ROBO2: variants seen among roughly 807,000 people sequenced by gnomAD.
ROBO2 encodes roundabout homolog 2.
In ROBO2, 53 loss-of-function variants were observed where a neutral mutation model predicts 160.8. The ratio of observed to expected loss-of-function variants is 0.33; its 90% CI spans 0.26 to 0.41. The LOEUF (loss-of-function observed/expected upper bound fraction) is 0.41. Among genes scored for constraint, ROBO2 ranks in the 10% least tolerant of loss-of-function variants. The pLI is 1.00. For synonymous variants in ROBO2, 664 were observed against 611.7 expected (o/e 1.09, Z -1.26); for missense variants, 1,577 against 1,722.4 (o/e 0.92, Z 1.49).
At chr3:77,122,467 C>T (rs11127580) in intron 2 of ROBO2, among the ~76,000 whole-genome samples, 17,771 of 152,122 alleles carry the variant, frequency 0.12, 1,769 homozygotes, top group African/African-American at 0.27. Context: ...ATAATTTAGC[C>T]GTCGCTGCCC....
chr3:77,274,616 A>G (rs1372633625), intron 2 of ROBO2, among the ~76,000 whole-genome samples: 1 of 152,152 alleles, frequency 6.6e-6, no homozygotes, highest in East Asian at 1.9e-4. Context: ...GCCAAAGATA[A>G]TCATAGAGTA....
intron 2 of ROBO2, among the ~76,000 whole-genome samples, chr3:76,896,026 C>T (rs983138357): frequency 1.7e-4 from 26 of 152,142 alleles, no homozygotes; most frequent in East Asian, 5.8e-4. Context: ...GACCCCACCC[C>T]GGGAGCTCAG....
At chr3:76,206,845 A>G (rs1702838546) in intron 2 of ROBO2, among the ~76,000 whole-genome samples, 1 of 152,154 alleles carries the variant, frequency 6.6e-6, no homozygotes, top group South Asian at 2.1e-4. Flanking sequence ...ACCCACAGCT[A>G]GGCACATCAT....
chr3:76,979,763 A>C (rs950816093), intron 2 of ROBO2, among the ~76,000 whole-genome samples: 17 of 152,062 alleles, frequency 1.1e-4, no homozygotes, highest in African/African-American at 4.1e-4. Context: ...ACACACACAC[A>C]CACACACTTA....
At chr3:77,055,935 GATAA>G (rs1346084130) in intron 1 of ROBO2, among the ~76,000 whole-genome samples, 1 of 152,312 alleles carries the variant, frequency 6.6e-6, no homozygotes, top group Non-Finnish European at 1.5e-5. Flanking sequence ...AAATTGAAAA[GATAA>G]ATAGAGAAGT....
At chr3:77,447,912 A>G (rs1052217990) in intron 2 of ROBO2, among the ~76,000 whole-genome samples, 4 of 152,138 alleles carry the variant, frequency 2.6e-5, no homozygotes, top group African/African-American at 9.7e-5. Context: ...CATATGTGTG[A>G]GAAAAACTGT....
chr3:76,715,726 C>T (rs887701287), intron 2 of ROBO2, among the ~76,000 whole-genome samples: 2 of 152,120 alleles, frequency 1.3e-5, no homozygotes, highest in African/African-American at 4.8e-5. Context: ...GTTCTAAGAA[C>T]ATTTAGCCAT....
chr3:76,306,857 A>C (rs950476155), intron 2 of ROBO2, among the ~76,000 whole-genome samples: 6 of 152,202 alleles, frequency 3.9e-5, no homozygotes, highest in African/African-American at 1.4e-4. Context: ...TTTTCAGTTC[A>C]GTTTCCAAAG....
chr3:77,439,469 G>T (rs2079676852), intron 2 of ROBO2, among the ~76,000 whole-genome samples: 1 of 151,798 alleles, frequency 6.6e-6, no homozygotes, highest in African/African-American at 2.4e-5. Context: ...TAGAAATTAT[G>T]ATATACAAAT....
At chr3:76,801,599 A>G (rs1398519447) in intron 2 of ROBO2, among the ~76,000 whole-genome samples, 1 of 152,116 alleles carries the variant, frequency 6.6e-6, no homozygotes, top group East Asian at 1.9e-4. Flanking sequence ...AAAAAAAGAA[A>G]AGAATATCGC....
intron 2 of ROBO2, among the ~76,000 whole-genome samples, chr3:77,452,517 TG>T (rs1490143068): frequency 1.3e-5 from 2 of 152,140 alleles, no homozygotes; most frequent in African/African-American, 4.8e-5. Flanking sequence ...TTGCTATCAC[TG>T]GAAGTGGACA....
intron 2 of ROBO2, among the ~76,000 whole-genome samples, chr3:76,944,128 T>A (rs1430058003): frequency 6.6e-6 from 1 of 152,166 alleles, no homozygotes; most frequent in Non-Finnish European, 1.5e-5. Flanking sequence ...AATTAAAAGG[T>A]CTGTTTATGT....
intron 2 of ROBO2, among the ~76,000 whole-genome samples, chr3:76,774,325 A>G (rs201903986): frequency 2.0e-5 from 3 of 150,888 alleles, no homozygotes; most frequent in East Asian, 2.0e-4. Flanking sequence ...TATTTTCTGC[A>G]TTTACATGCA....
chr3:76,531,131 C>G (rs1268604244), intron 2 of ROBO2, among the ~76,000 whole-genome samples: 2 of 152,074 alleles, frequency 1.3e-5, no homozygotes, highest in African/African-American at 4.8e-5. Flanking sequence ...TGTCCGACCT[C>G]AGAGAGAAAG....
chr3:76,798,177 A>T (rs1354049709), intron 2 of ROBO2, among the ~76,000 whole-genome samples: 2 of 149,872 alleles, frequency 1.3e-5, no homozygotes, highest in East Asian at 3.9e-4. Flanking sequence ...AAAGGGAGAG[A>T]AAGAAAGAAA....
At chr3:76,692,495 C>A (rs544255287) in intron 2 of ROBO2, among the ~76,000 whole-genome samples, 1 of 152,032 alleles carries the variant, frequency 6.6e-6, no homozygotes, top group East Asian at 1.9e-4. Context: ...GTTTTCTATT[C>A]GTCACAAGGA....
chr3:76,358,912 T>TCCCTCCC (rs1290157861), intron 2 of ROBO2, among the ~76,000 whole-genome samples: 1 of 131,858 alleles, frequency 7.6e-6, no homozygotes, highest in Non-Finnish European at 1.6e-5. Flanking sequence ...CCTAATGCTA[T>TCCCTCCC]CCCTCCCCCC....
chr3:76,378,972 T>C (rs988199960), intron 2 of ROBO2, among the ~76,000 whole-genome samples: 67 of 152,164 alleles, frequency 4.4e-4, no homozygotes, highest in African/African-American at 1.6e-3. Context: ...CTATATTATC[T>C]AGGCAATTGT....
intron 2 of ROBO2, among the ~76,000 whole-genome samples, chr3:76,529,083 A>C (rs1560098422): frequency 6.6e-6 from 1 of 152,176 alleles, no homozygotes; most frequent in South Asian, 2.1e-4. Context: ...AGAATGAGAA[A>C]GACAAAACTG....
Sources: gnomAD v4.1 joint callset for allele counts (sites outside exome capture counted in the v4.1 genomes callset) on GRCh38, gnomAD v4.1.1 for gene constraint, MANE v1.5 for transcripts, NCBI Gene and HGNC (gene_info 2026-07-23, HGNC 2026-07-21) for gene names.